Variants in BMERB1 observed in about 807,000 individuals in gnomAD.
The protein encoded by BMERB1 is bMERB domain containing 1.
Under a neutral mutation model 23.6 loss-of-function variants are expected in BMERB1, and 12 were observed. The ratio of observed to expected loss-of-function variants is 0.51; its 90% CI spans 0.33 to 0.82. BMERB1 has a LOEUF of 0.82. Ranked by LOEUF, BMERB1 falls within the 40% of genes least tolerant of loss-of-function variation. The pLI, the probability that BMERB1 is intolerant of heterozygous loss-of-function variation, is 0.03. For synonymous variants in BMERB1, 122 were observed against 96.6 expected (o/e 1.26, Z -1.54); for missense variants, 247 against 255.4 (o/e 0.97, Z 0.22).
At chr16:15,516,183 GGAGGCT>G (rs2051750569) in intron 2 of BMERB1, among the ~76,000 whole-genome samples, 1 of 152,130 alleles carries the variant, frequency 6.6e-6, no homozygotes, top group African/African-American at 2.4e-5. Context: ...CAGCACTTTG[GGAGGCT>G]GAGGCGGGAT....
At chr16:15,521,458 C>G (rs547462567) in intron 2 of BMERB1, among the ~76,000 whole-genome samples, 2 of 152,190 alleles carry the variant, frequency 1.3e-5, no homozygotes, top group Admixed American at 6.5e-5. Context: ...CACACATGCT[C>G]ACATAACCCA....
intron 3 of BMERB1, among the ~76,000 whole-genome samples, chr16:15,576,900 G>A (rs757290218): frequency 5.3e-5 from 8 of 152,118 alleles, no homozygotes; most frequent in Non-Finnish European, 1.2e-4. Context: ...CAGCTCTCTC[G>A]GTCTCTCTCG....
chr16:15,580,835 G>A lies in BMERB1; in HGVS notation c.305-382G>A, dbSNP rs567781366. On this transcript the variant is annotated intron_variant, in intron 3 of 5. Transcript: ENST00000300006. Reference sequence around the variant, plus strand: ...GCTGGGATTACAGGTGTGAGCCACCGCACCCGGCCAGCTCAAGTGCTTTTA... The same window carrying A: ...GCTGGGATTACAGGTGTGAGCCACCACACCCGGCCAGCTCAAGTGCTTTTA... Among the ~76,000 whole-genome samples, 140 of 149,820 alleles carry A rather than the reference G, an allele frequency of 9.3e-4. 1 individual carries two copies. Among genetic ancestry groups the A allele is most frequent in the Middle Eastern group, 3.8e-3 (1 of 266 alleles).
chr16:15,449,452 C>G (rs1017231770), intron 1 of BMERB1, among the ~76,000 whole-genome samples: 1 of 152,132 alleles, frequency 6.6e-6, no homozygotes, highest in Non-Finnish European at 1.5e-5. Flanking sequence ...TCACCCAGAC[C>G]CCAGATCTCA....
At chr16:15,447,805 A>G in intron 1 of BMERB1, 1 of 454,354 alleles carries the variant, frequency 2.2e-6, no homozygotes, top group Non-Finnish European at 4.4e-6. Flanking sequence ...GTTAAGCAGG[A>G]CCACTAGACT....
intron 1 of BMERB1, among the ~76,000 whole-genome samples, chr16:15,439,858 G>T (rs1038640953): frequency 3.9e-5 from 6 of 152,162 alleles, no homozygotes; most frequent in African/African-American, 9.6e-5. Flanking sequence ...GCCATTTCTT[G>T]ATAGATTTGT....
chr16:15,507,528 C>T (rs551765401), intron 1 of BMERB1, among the ~76,000 whole-genome samples: 1 of 152,222 alleles, frequency 6.6e-6, no homozygotes, highest in South Asian at 2.1e-4. Context: ...TTTGCTGTCT[C>T]CACACAGCAA....
chr16:15,442,944 A>G (rs919540439), intron 1 of BMERB1, among the ~76,000 whole-genome samples: 2 of 152,128 alleles, frequency 1.3e-5, no homozygotes, highest in African/African-American at 4.8e-5. Flanking sequence ...AGTGAGAGAC[A>G]CAGCCATAAA....
At chr16:15,528,933 T>C (rs2051938368) in intron 2 of BMERB1, among the ~76,000 whole-genome samples, 1 of 152,180 alleles carries the variant, frequency 6.6e-6, no homozygotes, top group African/African-American at 2.4e-5. Context: ...TCACTATCTA[T>C]GAGGAAGAGG....
At chr16:15,507,566 AG>A (rs1311424754) in intron 1 of BMERB1, among the ~76,000 whole-genome samples, 127 of 152,254 alleles carry the variant, frequency 8.3e-4, no homozygotes, top group Non-Finnish European at 9.3e-4. Flanking sequence ...AGTGTGCGTG[AG>A]AGACTTGTTG....
At chr16:15,502,476 C>T in intron 1 of BMERB1, 1 of 1,005,486 alleles carries the variant, frequency 9.9e-7, no homozygotes, top group Non-Finnish European at 1.5e-6. Flanking sequence ...GTGACTTCAT[C>T]TCTTTGGGAA....
chr16:15,534,285 G>C (rs1598501606), intron 2 of BMERB1, among the ~76,000 whole-genome samples: 1 of 14,794 alleles, frequency 6.8e-5, no homozygotes, highest in South Asian at 2.0e-3. Flanking sequence ...TTTTTTAATT[G>C]CAAAAAAAAA....
At chr16:15,507,779 C>T (rs2051610327) in intron 1 of BMERB1, among the ~76,000 whole-genome samples, 1 of 152,134 alleles carries the variant, frequency 6.6e-6, no homozygotes, top group African/African-American at 2.4e-5. Flanking sequence ...TATTCAGGTC[C>T]TGTATCAGCA....
chr16:15,465,614 A>T (rs1056772622), intron 1 of BMERB1, among the ~76,000 whole-genome samples: 15 of 152,086 alleles, frequency 9.9e-5, no homozygotes, highest in Non-Finnish European at 1.5e-5. Flanking sequence ...TGGCCTCCCA[A>T]AGTGCTGGTA....
chr16:15,438,730 G>A (rs2050910456), intron 1 of BMERB1, among the ~76,000 whole-genome samples: 1 of 152,212 alleles, frequency 6.6e-6, no homozygotes, highest in African/African-American at 2.4e-5. Context: ...AAAGGGCCGT[G>A]ATTACAGATG....
At chr16:15,528,912 A>G (rs1468060857) in intron 2 of BMERB1, among the ~76,000 whole-genome samples, 1 of 152,186 alleles carries the variant, frequency 6.6e-6, no homozygotes, top group Non-Finnish European at 1.5e-5. Flanking sequence ...GTGTGAGGAC[A>G]CAGTGAGAAC....
At chr16:15,446,018 C>T (rs769415359) in intron 1 of BMERB1, among the ~76,000 whole-genome samples, 35 of 152,036 alleles carry the variant, frequency 2.3e-4, no homozygotes, top group Non-Finnish European at 4.1e-4. Context: ...TGTATGAGTC[C>T]GCTGACATGA....
intron 2 of BMERB1, among the ~76,000 whole-genome samples, chr16:15,540,480 T>A (rs140382379): frequency 0.049 from 7,431 of 151,756 alleles, 236 homozygotes; most frequent in South Asian, 0.078. Flanking sequence ...GAGCTGAGAT[T>A]GTGCCACTGC....
chr16:15,454,750 C>T (rs544114206), intron 1 of BMERB1, among the ~76,000 whole-genome samples: 20 of 151,384 alleles, frequency 1.3e-4, no homozygotes, highest in African/African-American at 4.6e-4. Flanking sequence ...CAAGATTGTG[C>T]CACTGCACTC....
Sources: gnomAD v4.1 joint callset for allele counts (sites outside exome capture counted in the v4.1 genomes callset) on GRCh38, gnomAD v4.1.1 for gene constraint, MANE v1.5 for transcripts, NCBI Gene and HGNC (gene_info 2026-07-23, HGNC 2026-07-21) for gene names.